The following CLCA4 variants were observed in gnomAD, a reference collection of about 807,000 sequenced individuals.
The protein encoded by CLCA4 is calcium-activated chloride channel regulator 4.
Under a neutral mutation model 78.9 loss-of-function variants are expected in CLCA4, and 69 were observed. The observed-to-expected ratio is 0.87, with a 90% CI of 0.72 to 1.07. CLCA4 has a LOEUF of 1.07. CLCA4 is among the 50% of genes least tolerant of loss of function. The pLI is 0.00. For synonymous variants in CLCA4, 362 were observed against 375.8 expected, an observed-to-expected ratio of 0.96 and a Z score of 0.42; for missense variants, 1,133 against 1,095.8, an observed-to-expected ratio of 1.03 and a Z score of -0.48.
In CLCA4 at chr1:86,574,706, T is replaced by G. The variant is rs749186954; in HGVS notation, c.1634T>G (p.Val545Gly). The G allele has an allele frequency of 3.1e-6, 5 of 1,613,200 alleles. No homozygotes were observed. In the East Asian group the frequency reaches 1.1e-4, roughly 36 times the overall value. The change falls in exon 10 of 14, where the codon GTG becomes GGG. Residue 545 changes from valine (V) to glycine (G), a missense_variant. Coordinates refer to ENST00000370563, the MANE Select transcript of CLCA4 (RefSeq NM_012128.4). ...PSGTIMENFT[V>G]DATSKMAYLS... ...GGAACAATAATGGAAAATTTCACAGTGGATGCAACTTCCAAAATGGCCTAT... is the reference window on the plus strand; with the variant it reads ...GGAACAATAATGGAAAATTTCACAGGGGATGCAACTTCCAAAATGGCCTAT...
intron 1 of CLCA4, chr1:86,552,572 C>T: frequency 3.5e-6 from 2 of 576,466 alleles, no homozygotes; most frequent in Non-Finnish European, 6.3e-6. Flanking sequence ...AGCCAGTGCT[C>T]ACGTGTCCAC....
chr1:86,573,716 A>T (rs1344128166), intron 9 of CLCA4, among the ~76,000 whole-genome samples: 3 of 152,194 alleles, frequency 2.0e-5, no homozygotes, highest in Non-Finnish European at 4.4e-5. Context: ...CTGAAGGATA[A>T]TAAAGGTCAT....
chr1:86,553,256 C>A, intron 1 of CLCA4: 2 of 904,498 alleles, frequency 2.2e-6, no homozygotes, highest in Admixed American at 1.9e-5. Context: ...GCAAGCTGTA[C>A]GAGGACACGG....
chr1:86,555,651 T>C (rs933949084), intron 1 of CLCA4, among the ~76,000 whole-genome samples: 1 of 152,216 alleles, frequency 6.6e-6, no homozygotes, highest in African/African-American at 2.4e-5. Flanking sequence ...AGTTTTGTTC[T>C]TTTTGCTTAA....
At chr1:86,548,554 T>C (rs557227689) in intron 1 of CLCA4, among the ~76,000 whole-genome samples, 1 of 151,818 alleles carries the variant, frequency 6.6e-6, no homozygotes, top group Non-Finnish European at 1.5e-5. Context: ...TGGTGGCACA[T>C]GCCTGTAATC....
At chr1:86,570,235 C>T (rs1222690251) in intron 7 of CLCA4, among the ~76,000 whole-genome samples, 10 of 151,928 alleles carry the variant, frequency 6.6e-5, no homozygotes, top group Non-Finnish European at 1.5e-4. Context: ...CAAAGAAAGT[C>T]ACTGACAATC....
Position 86,578,000 on chromosome 1 carries a change from G to A in CLCA4, c.2050G>A (p.Ala684Thr), listed in dbSNP as rs1409743618. 2 of 1,612,710 alleles carry A rather than the reference G, an allele frequency of 1.2e-6. No individual in the cohort carries two copies. Among genetic ancestry groups the A allele is most frequent in the Non-Finnish European group, 1.7e-6 (2 of 1,179,366 alleles). Residue 684 changes from alanine (A) to threonine (T), a missense_variant, in exon 12 of 14, where the codon GCA becomes ACA. Coordinates refer to ENST00000370563, the MANE Select transcript of CLCA4 (RefSeq NM_012128.4). Reference protein sequence around the residue: ...YSLKVRAHGGANTARLKLRPP... With the variant: ...YSLKVRAHGGTNTARLKLRPP... Reference sequence around the variant, plus strand: ...CTTAAAAGTTCGGGCTCATGGAGGAGCAAACACTGCCAGGCTAAAATTACG... The same window carrying A: ...CTTAAAAGTTCGGGCTCATGGAGGAACAAACACTGCCAGGCTAAAATTACG...
intron 9 of CLCA4, among the ~76,000 whole-genome samples, chr1:86,573,685 T>G (rs1015615261): frequency 3.9e-5 from 6 of 152,038 alleles, no homozygotes; most frequent in Admixed American, 2.6e-4. Flanking sequence ...AGATATAGAC[T>G]GCTAGTGTTT....
intron 1 of CLCA4, among the ~76,000 whole-genome samples, chr1:86,549,338 G>A (rs1177155253): frequency 6.6e-6 from 1 of 152,210 alleles, no homozygotes; most frequent in African/African-American, 2.4e-5. Flanking sequence ...TGAATGAGCA[G>A]GAGGAAGCAT....
At chr1:86,562,226 A>T (rs1018697540) in intron 3 of CLCA4, among the ~76,000 whole-genome samples, 1 of 152,254 alleles carries the variant, frequency 6.6e-6, no homozygotes, top group African/African-American at 2.4e-5. Context: ...CATGGGAGGC[A>T]GGGAAACCTG....
chr1:86,551,222 T>C (rs1176783273), intron 1 of CLCA4, among the ~76,000 whole-genome samples: 1 of 152,198 alleles, frequency 6.6e-6, no homozygotes, highest in Non-Finnish European at 1.5e-5. Flanking sequence ...GTTATATTCG[T>C]TCATTATGTT....
intron 9 of CLCA4, chr1:86,572,985 T>G: frequency 2.6e-6 from 1 of 379,942 alleles, no homozygotes; most frequent in East Asian, 5.4e-5. Context: ...AATGTTATAA[T>G]GTCAAATTTT....
At chr1:86,554,547 G>A (rs558041124) in intron 1 of CLCA4, among the ~76,000 whole-genome samples, 2 of 152,144 alleles carry the variant, frequency 1.3e-5, no homozygotes, top group African/African-American at 2.4e-5. Flanking sequence ...TTACAGGTGT[G>A]AGCCACCATG....
chr1:86,548,787 C>A (rs954450503), intron 1 of CLCA4, among the ~76,000 whole-genome samples: 1 of 151,474 alleles, frequency 6.6e-6, no homozygotes, highest in Non-Finnish European at 1.5e-5. Flanking sequence ...CTTCTGAGTC[C>A]TTCAGGAAGT....
intron 1 of CLCA4, among the ~76,000 whole-genome samples, chr1:86,559,005 G>A (rs909602478): frequency 1.3e-5 from 2 of 151,666 alleles, no homozygotes; most frequent in Non-Finnish European, 2.9e-5. Flanking sequence ...TTCAACCTTG[G>A]AAAATCTGAT....
intron 1 of CLCA4, among the ~76,000 whole-genome samples, chr1:86,558,806 G>A (rs1236144661): frequency 6.6e-6 from 1 of 152,098 alleles, no homozygotes; most frequent in Non-Finnish European, 1.5e-5. Context: ...ACAACACGTG[G>A]GGATTATGGG....
At chr1:86,563,597 T>C in intron 3 of CLCA4, 64 bp from the exon 4 acceptor site, 1 of 790,520 alleles carries the variant, frequency 1.3e-6, no homozygotes, top group Non-Finnish European at 2.0e-6. Flanking sequence ...GAGAAGCTTC[T>C]TAAAATATGA....
At position 86,563,666 on chromosome 1, in the gene CLCA4, CTGTT is replaced by C; in HGVS notation, c.458_461del (p.Phe153SerfsTer84). 6.4e-7 allele frequency: 1 copy of C among 1,561,098 alleles called. No individual in the cohort carries two copies. The highest frequency in any genetic ancestry group is 1.4e-5 in the African/African-American group (1 of 73,476). On this transcript the variant is annotated frameshift_variant, in exon 4 of 14. Transcript: ENST00000370563. LOFTEE classifies it high-confidence loss of function. ...TTTGAAATGCTTTCCCACAGGCAAACTGTTTGTCCATGAGTGGGCTCACCTCCGG... is the reference window on the plus strand; with the variant it reads ...TTTGAAATGCTTTCCCACAGGCAAACTGTCCATGAGTGGGCTCACCTCCGG...
intron 13 of CLCA4, 107 bp from the exon 14 acceptor site, chr1:86,579,835 C>CTT (rs1308855377): frequency 6.1e-6 from 5 of 825,882 alleles, no homozygotes; most frequent in African/African-American, 1.7e-5. Context: ...ATGAGTAAGG[C>CTT]TTTTGATCTA....
Sources: allele counts gnomAD v4.1 joint callset (sites outside exome capture counted in the v4.1 genomes callset), GRCh38; gene constraint gnomAD v4.1.1; transcripts MANE v1.5; gene names NCBI Gene and HGNC (gene_info 2026-07-23, HGNC 2026-07-21).